Variants in SGCZ observed in about 807,000 individuals in gnomAD.
The protein encoded by SGCZ is zeta-sarcoglycan.
A neutral mutation model predicts 41.3 loss-of-function variants in SGCZ; 40 were observed. The observed-to-expected ratio is 0.97, with a 90% CI of 0.75 to 1.26. The LOEUF is 1.26. Ranked by LOEUF, SGCZ falls within the 50% of genes most tolerant of loss-of-function variation. SGCZ has a pLI of 0.00. For missense variants in SGCZ, 552 were observed against 369.8 expected (o/e 1.49, Z -4.04); for synonymous variants, 206 against 137.5 (o/e 1.50, Z -3.49).
chr8:14,104,282 C>T (rs1361540093), intron 6 of SGCZ, among the ~76,000 whole-genome samples: 1 of 152,048 alleles, frequency 6.6e-6, no homozygotes, highest in Admixed American at 6.6e-5. Context: ...TTCAGACTGG[C>T]TTTCACAGTG....
At chr8:14,282,791 C>G (rs1466232305) in intron 3 of SGCZ, among the ~76,000 whole-genome samples, 9 of 150,510 alleles carry the variant, frequency 6.0e-5, no homozygotes, top group Non-Finnish European at 1.3e-4. Context: ...TCTACATTTC[C>G]TACCTTTCAA....
At chr8:14,652,690 C>G (rs1275325100) in intron 1 of SGCZ, among the ~76,000 whole-genome samples, 1 of 152,028 alleles carries the variant, frequency 6.6e-6, no homozygotes, top group Non-Finnish European at 1.5e-5. Flanking sequence ...ATAATATTAA[C>G]ACTAAAATTG....
intron 1 of SGCZ, among the ~76,000 whole-genome samples, chr8:14,959,256 G>T (rs1800888199): frequency 1.3e-5 from 2 of 152,072 alleles, no homozygotes; most frequent in African/African-American, 2.4e-5. Flanking sequence ...TATCTATAGT[G>T]ATACAATGGA....
rs377006496 is a variant in SGCZ at position 14,974,233 on chromosome 8, C to T, written c.39+263352G>A. On this transcript the variant is annotated intron_variant, in intron 1 of 7. Transcript: ENST00000382080. ...AACATATTTTATGGTACTTTAAAAA[C>T]GTATGTTGTAATTTAAGTTCTTATG... Among the ~76,000 whole-genome samples the T allele has an allele frequency of 4.1e-4, 62 of 152,120 alleles. No homozygotes were observed. In the Middle Eastern group the frequency reaches 0.01, roughly 25 times the overall value.
chr8:14,363,432 C>T (rs1803596822), intron 2 of SGCZ, among the ~76,000 whole-genome samples: 1 of 152,096 alleles, frequency 6.6e-6, no homozygotes, highest in South Asian at 2.1e-4. Flanking sequence ...TTGCAAGCAG[C>T]ACTTTGGCAT....
intron 3 of SGCZ, among the ~76,000 whole-genome samples, chr8:14,280,134 GA>G (rs1800372420): frequency 6.6e-6 from 1 of 151,842 alleles, no homozygotes; most frequent in Non-Finnish European, 1.5e-5. Context: ...AGTATAAGCA[GA>G]AAACTGTATA....
At chr8:14,109,732 A>G (rs1802317201) in intron 5 of SGCZ, among the ~76,000 whole-genome samples, 1 of 152,168 alleles carries the variant, frequency 6.6e-6, no homozygotes, top group African/African-American at 2.4e-5. Context: ...GCATCAGATG[A>G]CTCCTTTGCA....
At chr8:14,976,910 A>C (rs1210266486) in intron 1 of SGCZ, among the ~76,000 whole-genome samples, 2 of 152,194 alleles carry the variant, frequency 1.3e-5, no homozygotes, top group African/African-American at 4.8e-5. Context: ...ATTGGCTTTA[A>C]AATTTGAGTG....
chr8:14,975,789 T>TTTTATATA (rs757234349), intron 1 of SGCZ, among the ~76,000 whole-genome samples: 25 of 125,460 alleles, frequency 2.0e-4, no homozygotes, highest in Non-Finnish European at 2.9e-4. Context: ...TTTTCCACTT[T>TTTTATATA]TATATATATA....
intron 2 of SGCZ, among the ~76,000 whole-genome samples, chr8:14,351,968 A>G (rs910082107): frequency 6.6e-6 from 1 of 152,140 alleles, no homozygotes; most frequent in African/African-American, 2.4e-5. Flanking sequence ...TAATACCGTC[A>G]ACCTCGATGT....
chr8:15,207,646 T>C (rs1801108600), intron 1 of SGCZ, among the ~76,000 whole-genome samples: 1 of 151,908 alleles, frequency 6.6e-6, no homozygotes, highest in African/African-American at 2.4e-5. Context: ...ACAAGGAATA[T>C]GGAAAAAAAG....
chr8:15,237,143 G>A (rs1327473978), intron 1 of SGCZ, among the ~76,000 whole-genome samples: 2 of 152,224 alleles, frequency 1.3e-5, no homozygotes, highest in Non-Finnish European at 2.9e-5. Flanking sequence ...TCCCCGTGCC[G>A]GGCTGGGGCA....
chr8:14,849,307 G>C (rs1803236886), intron 1 of SGCZ, among the ~76,000 whole-genome samples: 1 of 151,710 alleles, frequency 6.6e-6, no homozygotes, highest in Non-Finnish European at 1.5e-5. Context: ...GCAACCATAT[G>C]ATCCAACCAT....
intron 2 of SGCZ, among the ~76,000 whole-genome samples, chr8:14,532,577 T>C (rs1268164129): frequency 1.3e-5 from 2 of 151,748 alleles, no homozygotes; most frequent in Non-Finnish European, 2.9e-5. Flanking sequence ...TGGAATAGCA[T>C]TCCCTTCCTA....
chr8:14,635,304 G>C (rs1283999682), intron 1 of SGCZ, among the ~76,000 whole-genome samples: 1 of 151,740 alleles, frequency 6.6e-6, no homozygotes, highest in Non-Finnish European at 1.5e-5. Context: ...CACCTTTTTA[G>C]CCATGAGAAA....
intron 2 of SGCZ, among the ~76,000 whole-genome samples, chr8:14,426,922 GTTA>G (rs1799798631): frequency 6.6e-6 from 1 of 151,902 alleles, no homozygotes; most frequent in African/African-American, 2.4e-5. Flanking sequence ...TTTCAAAATT[GTTA>G]TTATTTATTA....
intron 1 of SGCZ, among the ~76,000 whole-genome samples, chr8:14,618,121 C>A (rs1287118854): frequency 3.3e-5 from 5 of 152,040 alleles, no homozygotes; most frequent in African/African-American, 1.2e-4. Flanking sequence ...ATGTGCCATG[C>A]ACTATTCTAG....
intron 1 of SGCZ, among the ~76,000 whole-genome samples, chr8:14,808,544 T>C (rs377337883): frequency 2.8e-4 from 43 of 152,144 alleles, no homozygotes; most frequent in African/African-American, 9.2e-4. Flanking sequence ...CATCTCACAC[T>C]AGTTAGAATG....
chr8:14,942,435 A>C (rs1800306749), intron 1 of SGCZ, among the ~76,000 whole-genome samples: 1 of 152,150 alleles, frequency 6.6e-6, no homozygotes, highest in Non-Finnish European at 1.5e-5. Flanking sequence ...TCTTTTAACA[A>C]ACTAAAGAAA....
Sources: allele counts gnomAD v4.1 joint callset (sites outside exome capture counted in the v4.1 genomes callset), GRCh38; gene constraint gnomAD v4.1.1; transcripts MANE v1.5; gene names NCBI Gene and HGNC (gene_info 2026-07-23, HGNC 2026-07-21).